PTER: variants seen among roughly 807,000 people sequenced by gnomAD.
PTER encodes phosphotriesterase related.
A neutral mutation model predicts 29.6 loss-of-function variants in PTER; 38 were observed. That is an observed-to-expected ratio of 1.28 (90% CI 0.99 to 1.68). PTER has a LOEUF of 1.68. PTER is among the 40% of genes most tolerant of loss of function. The pLI, the probability that PTER is intolerant of heterozygous loss-of-function variation, is 0.00. For missense variants in PTER, 482 were observed against 427.8 expected, an observed-to-expected ratio of 1.13 and a Z score of -1.12; for synonymous variants, 172 against 154.5, an observed-to-expected ratio of 1.11 and a Z score of -0.84.
chr10:16,511,194 A>G lies in PTER; in HGVS notation c.988A>G (p.Thr330Ala). 6.2e-7 allele frequency: 1 copy of G among 1,614,164 alleles called. No homozygotes were observed. The highest frequency in any genetic ancestry group is 1.1e-5 in the South Asian group (1 of 91,088). Residue 330 changes from threonine to alanine, a missense_variant, in exon 5 of 5, where the codon ACT becomes GCT. Thr to Ala is a moderately conservative substitution (Grantham distance 58). Coordinates refer to ENST00000535784, the MANE Select transcript of PTER (RefSeq NM_001261836.2). ...TCCTAAAATGTTGCTGAGAGGCATAACTGAGAATGTGCTTGATAAGATTCT... is the reference window on the plus strand; with the variant it reads ...TCCTAAAATGTTGCTGAGAGGCATAGCTGAGAATGTGCTTGATAAGATTCT... ...VVPKMLLRGI[T>A]ENVLDKILIE...
downstream of PTER, among the ~76,000 whole-genome samples, chr10:16,516,470 A>T (rs1054676207): frequency 4.6e-5 from 7 of 152,196 alleles, no homozygotes; most frequent in African/African-American, 1.7e-4. Flanking sequence ...GAAAAAAATT[A>T]AAAACAAAAT....
Position 16,484,623 on chromosome 10 carries a change from T to C in PTER, c.239T>C (p.Ile80Thr). The change falls in exon 2 of 5, where the codon ATA (isoleucine) becomes ACA (threonine). Residue 80 changes from isoleucine to threonine, a missense_variant. Physicochemically the swap from Ile to Thr is moderately conservative, Grantham distance 89. Transcript: ENST00000535784. ...NLQLNQETEA[I>T]KEELLYFKAN... ...CAATTAAATCAGGAGACAGAAGCCA[T>C]AAAGGAAGAACTGTTGTATTTTAAA... The C allele has an allele frequency of 6.2e-7, 1 of 1,614,068 alleles. No homozygotes were observed. Among genetic ancestry groups the C allele is most frequent in the Non-Finnish European group, 8.5e-7 (1 of 1,180,002 alleles).
intron 1 of PTER, among the ~76,000 whole-genome samples, chr10:16,438,986 A>G (rs1217204613): frequency 6.7e-6 from 1 of 149,932 alleles, no homozygotes; most frequent in Non-Finnish European, 1.5e-5. Flanking sequence ...CTATGGATTT[A>G]TGAGGATAAG....
intron 1 of PTER, among the ~76,000 whole-genome samples, chr10:16,439,061 C>G: frequency 6.6e-6 from 1 of 152,024 alleles, no homozygotes; most frequent in East Asian, 1.9e-4. Flanking sequence ...GGGCAGCCCT[C>G]AAACCAGAAT....
intron 3 of PTER, among the ~76,000 whole-genome samples, chr10:16,504,672 A>T (rs1042764980): frequency 7.2e-5 from 11 of 152,176 alleles, no homozygotes; most frequent in African/African-American, 2.7e-4. Flanking sequence ...ATGAAAATTT[A>T]CCCCATTAAG....
chr10:16,494,591 C>T (rs765872908), intron 3 of PTER, among the ~76,000 whole-genome samples: 1 of 152,194 alleles, frequency 6.6e-6, no homozygotes, highest in Non-Finnish European at 1.5e-5. Context: ...GAAATACCTA[C>T]GTATTTGGTC....
At chr10:16,488,261 A>G (rs1835775179) in intron 3 of PTER, among the ~76,000 whole-genome samples, 1 of 152,202 alleles carries the variant, frequency 6.6e-6, no homozygotes, top group Non-Finnish European at 1.5e-5. Context: ...CTTTGGACCC[A>G]GTGAGAACTT....
At chr10:16,486,201 CT>C in intron 2 of PTER, 150 bp from the exon 3 acceptor site, 4 of 917,892 alleles carry the variant, frequency 4.4e-6, no homozygotes, top group Non-Finnish European at 6.3e-6. Context: ...AGCAAAATGC[CT>C]TTTTCCTTGG....
At chr10:16,477,123 CA>C (rs970255270) in intron 1 of PTER, among the ~76,000 whole-genome samples, 3 of 152,082 alleles carry the variant, frequency 2.0e-5, no homozygotes, top group African/African-American at 7.2e-5. Context: ...AGGCTGGTAT[CA>C]AACCCTTGAG....
At chr10:16,492,002 C>G (rs185884093) in intron 3 of PTER, among the ~76,000 whole-genome samples, 1 of 152,210 alleles carries the variant, frequency 6.6e-6, no homozygotes, top group East Asian at 1.9e-4. Flanking sequence ...ACATGGCTAT[C>G]CAAAAGGGGC....
At chr10:16,506,750 A>G (rs929103960) in intron 4 of PTER, among the ~76,000 whole-genome samples, 6 of 151,288 alleles carry the variant, frequency 4.0e-5, no homozygotes, top group Non-Finnish European at 8.8e-5. Flanking sequence ...TGTGAGGTGG[A>G]CATGGTTATC....
At chr10:16,462,411 T>C (rs1264444817) in intron 1 of PTER, among the ~76,000 whole-genome samples, 1 of 151,280 alleles carries the variant, frequency 6.6e-6, no homozygotes, top group Non-Finnish European at 1.5e-5. Flanking sequence ...AAATCATATA[T>C]GATGGTGGCG....
intron 1 of PTER, among the ~76,000 whole-genome samples, chr10:16,444,095 G>A (rs1236732577): frequency 1.3e-5 from 2 of 149,844 alleles, no homozygotes; most frequent in East Asian, 2.0e-4. Context: ...TCTGCCTCCC[G>A]AATTCAAGCG....
Position 16,488,603 on chromosome 10 carries a change from GGAGA to G in PTER, c.698+2008_698+2011del, listed in dbSNP as rs35122897. Among the ~76,000 whole-genome samples, 212 of 134,022 alleles carry G rather than the reference GGAGA, an allele frequency of 1.6e-3. 1 individual carries two copies. The highest frequency in any genetic ancestry group is 5.1e-3 in the African/African-American group (191 of 37,614). The allele number at this position is 134,022 out of a possible 152,430, so 87.9% of individuals were successfully genotyped here. ...CTAATTTAAATATATATATATATAT[GGAGA>G]GAGAGAGAGAGAGAGAGAGAGTCTG... On this transcript the variant is annotated intron_variant, in intron 3 of 4. Transcript: ENST00000535784.
intron 3 of PTER, among the ~76,000 whole-genome samples, chr10:16,490,350 C>G (rs1323979495): frequency 1.3e-5 from 2 of 152,168 alleles, no homozygotes; most frequent in Non-Finnish European, 1.5e-5. Context: ...CATCTGTAAT[C>G]TCCAAAAACT....
intron 1 of PTER, among the ~76,000 whole-genome samples, chr10:16,457,191 AGTT>A (rs1394790158): frequency 1.3e-5 from 2 of 150,166 alleles, no homozygotes; most frequent in African/African-American, 4.9e-5. Context: ...TTAACCCTTT[AGTT>A]GTTTTGTTTG....
intron 3 of PTER, among the ~76,000 whole-genome samples, chr10:16,500,181 C>T (rs1836279366): frequency 6.6e-6 from 1 of 152,100 alleles, no homozygotes; most frequent in South Asian, 2.1e-4. Flanking sequence ...CCCAAAGTCA[C>T]TCCGCTTTAT....
At chr10:16,490,573 G>A (rs551689070) in intron 3 of PTER, among the ~76,000 whole-genome samples, 1 of 151,822 alleles carries the variant, frequency 6.6e-6, no homozygotes, top group East Asian at 1.9e-4. Context: ...TCTGTCCCGC[G>A]AGCAAGTAAG....
intron 4 of PTER, among the ~76,000 whole-genome samples, chr10:16,508,898 G>A (rs1238552839): frequency 6.6e-6 from 1 of 152,146 alleles, no homozygotes; most frequent in Non-Finnish European, 1.5e-5. Context: ...GTCCTTTTCT[G>A]AGCCATCGTA....
Sources: allele counts gnomAD v4.1 joint callset (sites outside exome capture counted in the v4.1 genomes callset), GRCh38; gene constraint gnomAD v4.1.1; transcripts MANE v1.5; gene names NCBI Gene and HGNC (gene_info 2026-07-23, HGNC 2026-07-21).